PTPRR: variants seen among roughly 807,000 people sequenced by gnomAD.
PTPRR encodes the protein receptor-type tyrosine-protein phosphatase R.
PTPRR carries 38 observed loss-of-function variants against 77.2 expected under a neutral mutation model. The ratio of observed to expected loss-of-function variants is 0.49; its 90% confidence interval spans 0.38 to 0.65. The LOEUF is 0.65. PTPRR is among the 30% of genes least tolerant of loss of function. PTPRR has a pLI of 0.00. For synonymous variants in PTPRR, 299 were observed against 283.1 expected (o/e 1.06, Z -0.57); for missense variants, 744 against 799.2 (o/e 0.93, Z 0.83).
chr12:70,682,130 G>A (rs980877943), intron 10 of PTPRR, among the ~76,000 whole-genome samples: 2 of 125,832 alleles, frequency 1.6e-5, no homozygotes, highest in African/African-American at 5.9e-5. Context: ...TGCAAGCTCC[G>A]CCTCCCGGGT....
At position 70,817,469 on chromosome 12, in the gene PTPRR, A is replaced by G. The variant is rs571801969; in HGVS notation, c.358-52691T>C. ...CATACACTGAACTACTTAGAGGTAA[A>G]GAGCCATAATATCTGTAACACATTC... On this transcript the variant is annotated intron_variant, in intron 2 of 13. Coordinates refer to ENST00000283228, the MANE Select transcript of PTPRR (RefSeq NM_002849.4). Among the ~76,000 whole-genome samples, 28 of 152,338 alleles carry G rather than the reference A, an allele frequency of 1.8e-4. No homozygotes were observed. The East Asian group carries it at 5.2e-3, about 28-fold the overall frequency.
intron 10 of PTPRR, chr12:70,672,571 C>T: frequency 1.4e-6 from 2 of 1,394,114 alleles, no homozygotes; most frequent in South Asian, 1.2e-5. Context: ...CCCTCTGGGC[C>T]TTGCCTTGGT....
chr12:70,855,925 G>A (rs555265818), intron 2 of PTPRR, among the ~76,000 whole-genome samples: 5 of 152,236 alleles, frequency 3.3e-5, no homozygotes, highest in East Asian at 3.9e-4. Flanking sequence ...ACAATCTTCT[G>A]AAGTTGCTCC....
chr12:70,874,214 T>C, intron 2 of PTPRR, among the ~76,000 whole-genome samples: 1 of 152,210 alleles, frequency 6.6e-6, no homozygotes, highest in Middle Eastern at 3.2e-3. Context: ...TCTTATTGAC[T>C]GATGTTTAAA....
chr12:70,819,922 G>T lies in PTPRR; in HGVS notation c.358-55144C>A, dbSNP rs554035144. 7.4e-4 allele frequency among the ~76,000 whole-genome samples: 113 copies of T among 152,176 alleles called. 2 individuals are homozygous for T. Among genetic ancestry groups the T allele is most frequent in the African/African-American group, 2.7e-3 (112 of 41,526 alleles). ...CTATGAAGAGAAGTTCTTCAATTATGACAATCTAATTTTATGAAATGTGAG... is the reference window on the plus strand; with the variant it reads ...CTATGAAGAGAAGTTCTTCAATTATTACAATCTAATTTTATGAAATGTGAG... On this transcript the variant is annotated intron_variant, in intron 2 of 13. Transcript: ENST00000283228.
chr12:70,662,448 C>T, intron 11 of PTPRR, 47 bp downstream of exon 11: 1 of 1,120,624 alleles, frequency 8.9e-7, no homozygotes, highest in Non-Finnish European at 1.3e-6. Flanking sequence ...AAATGTAATC[C>T]TCTAACATCA....
At chr12:70,724,182 TTA>T (rs1331413997) in intron 6 of PTPRR, among the ~76,000 whole-genome samples, 1 of 152,212 alleles carries the variant, frequency 6.6e-6, no homozygotes, top group Non-Finnish European at 1.5e-5. Flanking sequence ...TTCATTCATT[TTA>T]TAAGTGTATA....
chr12:70,642,475 G>C (rs548624625), intron 13 of PTPRR, among the ~76,000 whole-genome samples: 1 of 152,052 alleles, frequency 6.6e-6, no homozygotes, highest in South Asian at 2.1e-4. Context: ...TTTTATCTAA[G>C]GCATTATTAA....
At chr12:70,803,946 G>A (rs183023259) in intron 2 of PTPRR, among the ~76,000 whole-genome samples, 7 of 152,140 alleles carry the variant, frequency 4.6e-5, no homozygotes, top group African/African-American at 1.4e-4. Context: ...GGTGGATGGC[G>A]GGTCTAGGAT....
At chr12:70,899,208 G>A (rs560774033) in intron 1 of PTPRR, among the ~76,000 whole-genome samples, 19 of 151,184 alleles carry the variant, frequency 1.3e-4, no homozygotes, top group South Asian at 1.2e-3. Flanking sequence ...AACATTCACC[G>A]AAATCATCTG....
At chr12:70,748,273 T>C (rs780003531) in intron 5 of PTPRR, among the ~76,000 whole-genome samples, 42 of 152,202 alleles carry the variant, frequency 2.8e-4, no homozygotes, top group Non-Finnish European at 5.6e-4. Flanking sequence ...CTTCCAGGTA[T>C]GTGATCATTC....
At chr12:70,857,397 G>T (rs1217793178) in intron 2 of PTPRR, among the ~76,000 whole-genome samples, 1 of 152,122 alleles carries the variant, frequency 6.6e-6, no homozygotes, top group Non-Finnish European at 1.5e-5. Context: ...CTGTTTCATT[G>T]GAGTGATGGA....
intron 13 of PTPRR, among the ~76,000 whole-genome samples, chr12:70,655,193 A>G (rs1204086748): frequency 6.6e-6 from 1 of 152,242 alleles, no homozygotes. Flanking sequence ...TGACTCTTCC[A>G]TCTCACCCTC....
At chr12:70,911,500 A>G (rs1893698638) in intron 1 of PTPRR, among the ~76,000 whole-genome samples, 1 of 152,212 alleles carries the variant, frequency 6.6e-6, no homozygotes, top group South Asian at 2.1e-4. Flanking sequence ...GTTTATGTAA[A>G]TGTTACACAT....
chr12:70,737,525 T>TCTATCTATCTATCTAG (rs1565674697), intron 6 of PTPRR, among the ~76,000 whole-genome samples: 40 of 151,466 alleles, frequency 2.6e-4, no homozygotes, highest in African/African-American at 9.2e-4. Context: ...TATCTATCTA[T>TCTATCTATCTATCTAG]CTATCTATCT....
At chr12:70,860,018 TC>T (rs940482501) in intron 2 of PTPRR, among the ~76,000 whole-genome samples, 185 of 152,178 alleles carry the variant, frequency 1.2e-3, no homozygotes, top group African/African-American at 4.3e-3. Flanking sequence ...ATTGCTTTTT[TC>T]CCCCTCCTCA....
chr12:70,901,266 C>T (rs150155841), intron 1 of PTPRR, among the ~76,000 whole-genome samples: 124 of 151,554 alleles, frequency 8.2e-4, no homozygotes, highest in African/African-American at 2.8e-3. Context: ...TCTATCTCCC[C>T]TAGATTAAAA....
intron 6 of PTPRR, among the ~76,000 whole-genome samples, chr12:70,738,348 GA>G (rs144779203): frequency 6.6e-6 from 1 of 152,080 alleles, no homozygotes; most frequent in East Asian, 1.9e-4. Flanking sequence ...CGTTTTGATA[GA>G]AAAAAACACC....
intron 6 of PTPRR, among the ~76,000 whole-genome samples, chr12:70,727,070 A>C (rs1889466640): frequency 6.6e-6 from 1 of 152,140 alleles, no homozygotes; most frequent in Non-Finnish European, 1.5e-5. Flanking sequence ...TCACATATTC[A>C]TTATTGTGTA....
Sources: allele counts gnomAD v4.1 joint callset (sites outside exome capture counted in the v4.1 genomes callset), GRCh38; gene constraint gnomAD v4.1.1; transcripts MANE v1.5; gene names NCBI Gene and HGNC (gene_info 2026-07-23, HGNC 2026-07-21).